PCDH15: variants seen among roughly 807,000 people sequenced by gnomAD.
The protein encoded by PCDH15 is protocadherin related 15.
PCDH15 carries 129 observed loss-of-function variants against 178.5 expected under a neutral mutation model. The observed-to-expected ratio is 0.72, with a 90% CI of 0.63 to 0.84. The LOEUF (loss-of-function observed/expected upper bound fraction) is 0.84. PCDH15 is among the 40% of genes least tolerant of loss of function. PCDH15 has a pLI of 0.00. For synonymous variants in PCDH15, 800 were observed against 732.0 expected, an observed-to-expected ratio of 1.09 and a Z score of -1.50; for missense variants, 2,230 against 2,099.9, an observed-to-expected ratio of 1.06 and a Z score of -1.21.
At chr10:55,465,946 CT>C (rs1406523924) in intron 2 of PCDH15, among the ~76,000 whole-genome samples, 4 of 152,032 alleles carry the variant, frequency 2.6e-5, no homozygotes, top group African/African-American at 9.7e-5. Flanking sequence ...GGGGAAAAAA[CT>C]TGTCACTGCT....
chr10:55,456,530 T>C (rs1475916295), intron 2 of PCDH15, among the ~76,000 whole-genome samples: 1 of 152,120 alleles, frequency 6.6e-6, no homozygotes, highest in Non-Finnish European at 1.5e-5. Context: ...TGTCATTTCA[T>C]GGGAGCAGAA....
chr10:53,940,042 A>G (rs1564818116), intron 24 of PCDH15, among the ~76,000 whole-genome samples: 1 of 152,164 alleles, frequency 6.6e-6, no homozygotes, highest in Admixed American at 6.6e-5. Flanking sequence ...ACCTAGTAAT[A>G]GTTTGTCATT....
At chr10:54,516,477 G>T (rs1169858448) in intron 3 of PCDH15, among the ~76,000 whole-genome samples, 1 of 151,934 alleles carries the variant, frequency 6.6e-6, no homozygotes. Context: ...AAGATGAAAT[G>T]AATGAAATGA....
chr10:54,005,493 C>G (rs1363684310), intron 20 of PCDH15, among the ~76,000 whole-genome samples: 1 of 151,886 alleles, frequency 6.6e-6, no homozygotes, highest in Non-Finnish European at 1.5e-5. Context: ...TTAAAATGGG[C>G]AAAAGTTCTA....
chr10:55,326,850 G>C (rs1844043976), intron 2 of PCDH15, among the ~76,000 whole-genome samples: 1 of 151,970 alleles, frequency 6.6e-6, no homozygotes, highest in Admixed American at 6.6e-5. Flanking sequence ...TAAATACTCA[G>C]ATCTAGACAG....
intron 3 of PCDH15, among the ~76,000 whole-genome samples, chr10:54,503,518 TA>T (rs61695959): frequency 0.015 from 2,155 of 147,470 alleles, 47 homozygotes; most frequent in African/African-American, 0.05. Context: ...ATAGAATATT[TA>T]AAAAAAAAAC....
At chr10:55,084,638 A>T (rs1361162010) in intron 2 of PCDH15, among the ~76,000 whole-genome samples, 1 of 151,946 alleles carries the variant, frequency 6.6e-6, no homozygotes, top group African/African-American at 2.4e-5. Flanking sequence ...TGAAGAGACA[A>T]CCCACAAAAT....
At chr10:54,378,335 G>GT (rs1053469901) in intron 4 of PCDH15, among the ~76,000 whole-genome samples, 2 of 151,006 alleles carry the variant, frequency 1.3e-5, no homozygotes, top group African/African-American at 4.9e-5. Context: ...TTGCAACTAT[G>GT]TAAGACATTT....
chr10:54,480,873 A>C (rs958023424), intron 3 of PCDH15, among the ~76,000 whole-genome samples: 4 of 151,948 alleles, frequency 2.6e-5, no homozygotes, highest in Non-Finnish European at 5.9e-5. Context: ...GCTAAGTATG[A>C]TAAAACACGT....
At chr10:54,262,173 G>A (rs952373965) in intron 8 of PCDH15, among the ~76,000 whole-genome samples, 9 of 152,074 alleles carry the variant, frequency 5.9e-5, no homozygotes, top group Admixed American at 3.3e-4. Flanking sequence ...AACCCACACC[G>A]AGCCCAGAAG....
chr10:54,950,722 G>T (rs146657717), intron 2 of PCDH15, among the ~76,000 whole-genome samples: 1 of 151,876 alleles, frequency 6.6e-6, no homozygotes, highest in Non-Finnish European at 1.5e-5. Flanking sequence ...TGAGAACAGC[G>T]TGGGGGAAAC....
intron 21 of PCDH15, among the ~76,000 whole-genome samples, chr10:53,986,166 A>C (rs1042868419): frequency 1.1e-4 from 17 of 149,000 alleles, no homozygotes; most frequent in Non-Finnish European, 2.4e-4. Context: ...TAACTTTTTC[A>C]AAAAAAAACA....
intron 2 of PCDH15, among the ~76,000 whole-genome samples, chr10:55,377,099 T>A (rs1335350433): frequency 2.0e-5 from 3 of 151,188 alleles, no homozygotes; most frequent in African/African-American, 7.3e-5. Flanking sequence ...GTGCCAGGGC[T>A]TTGAAGTGCT....
chr10:55,294,903 G>A (rs190544299), intron 1 of PCDH15, among the ~76,000 whole-genome samples: 24 of 152,126 alleles, frequency 1.6e-4, no homozygotes, highest in East Asian at 5.8e-4. Flanking sequence ...ATATTTTTCC[G>A]TATTAAAATT....
At chr10:54,747,787 A>C (rs1233474899) in intron 1 of PCDH15, among the ~76,000 whole-genome samples, 1 of 151,754 alleles carries the variant, frequency 6.6e-6, no homozygotes, top group African/African-American at 2.4e-5. Context: ...TTTTAAAAAT[A>C]AAATCACTCA....
chr10:54,550,252 T>A (rs976833509), intron 2 of PCDH15, among the ~76,000 whole-genome samples: 3 of 152,166 alleles, frequency 2.0e-5, no homozygotes, highest in African/African-American at 4.8e-5. Context: ...GAAATTCCAG[T>A]CAGCTAAAAT....
At chr10:54,284,086 C>T (rs566619264) in intron 8 of PCDH15, among the ~76,000 whole-genome samples, 29 of 152,260 alleles carry the variant, frequency 1.9e-4, no homozygotes, top group African/African-American at 5.8e-4. Flanking sequence ...CCTTTCATCT[C>T]GGCCTCCCTA....
At chr10:54,070,462 T>G (rs11004038) in intron 17 of PCDH15, among the ~76,000 whole-genome samples, 15,017 of 152,310 alleles carry the variant, frequency 0.099, 1,055 homozygotes, top group East Asian at 0.25. Context: ...CCTTGGCCTA[T>G]CAAAGTGCTG....
At chr10:54,851,644 G>C (rs1757550661) in intron 3 of PCDH15, among the ~76,000 whole-genome samples, 1 of 152,116 alleles carries the variant, frequency 6.6e-6, no homozygotes, top group Non-Finnish European at 1.5e-5. Flanking sequence ...ACCCAGGCTG[G>C]AGTGCAGTGG....
Sources: allele counts gnomAD v4.1 joint callset (sites outside exome capture counted in the v4.1 genomes callset), GRCh38; gene constraint gnomAD v4.1.1; transcripts MANE v1.5; gene names NCBI Gene and HGNC (gene_info 2026-07-23, HGNC 2026-07-21).